Variants in ALX4 observed in about 807,000 individuals in gnomAD.
ALX4 encodes homeobox protein aristaless-like 4.
Under a neutral mutation model 40.6 loss-of-function variants are expected in ALX4, and 22 were observed. That is an observed-to-expected ratio of 0.54 (90% CI 0.39 to 0.77). The LOEUF (loss-of-function observed/expected upper bound fraction) is 0.77, where lower values mean the gene tolerates loss of function less well. ALX4 is among the 30% of genes least tolerant of loss of function. The probability of loss-of-function intolerance (pLI) is 0.00; values close to 1 mark genes in which losing one functional copy is unlikely to be tolerated. For synonymous variants in ALX4, 266 were observed against 240.5 expected, an observed-to-expected ratio of 1.11 and a Z score of -0.98; for missense variants, 556 against 564.8, an observed-to-expected ratio of 0.98 and a Z score of 0.16.
chr11:44,310,066 TG>T lies in ALX4; in HGVS notation c.-5del. ...AGACGCAAGTCTCAGCATTCATGCC[TG>T]GCTTGCGCAGGCGGCGGGCGGGGAC... On this transcript the variant is annotated 5_prime_UTR_variant, in exon 1 of 4. Coordinates refer to ENST00000652299, the MANE Select transcript of ALX4 (RefSeq NM_021926.4). 1 of 1,579,872 alleles carries T rather than the reference TG, an allele frequency of 6.3e-7. No homozygotes were observed. Among genetic ancestry groups the T allele is most frequent in the Non-Finnish European group, 8.6e-7 (1 of 1,160,918 alleles).
At chr11:44,283,329 C>A (rs999886142) in intron 1 of ALX4, among the ~76,000 whole-genome samples, 5 of 151,470 alleles carry the variant, frequency 3.3e-5, no homozygotes, top group Admixed American at 6.6e-5. Context: ...AAATTGTGTT[C>A]ATATATATAA....
At chr11:44,267,653 G>T in intron 2 of ALX4, 31 bp from the exon 3 acceptor site, 1 of 1,613,826 alleles carries the variant, frequency 6.2e-7, no homozygotes. Context: ...ATTGTCACCA[G>T]GGTGAGATGC....
intron 2 of ALX4, among the ~76,000 whole-genome samples, chr11:44,274,618 A>T (rs558346137): frequency 6.6e-6 from 1 of 150,848 alleles, no homozygotes; most frequent in Non-Finnish European, 1.5e-5. Context: ...GTTGAGTTCT[A>T]TTGGGTTGTG....
intron 1 of ALX4, 100 bp from the exon 2 acceptor site, chr11:44,275,758 C>A: frequency 8.6e-7 from 1 of 1,161,478 alleles, no homozygotes. Context: ...CCACCCCCTG[C>A]CTTTTTCCTC....
intron 1 of ALX4, among the ~76,000 whole-genome samples, chr11:44,304,186 T>C (rs916310959): frequency 8.5e-5 from 13 of 152,232 alleles, no homozygotes; most frequent in African/African-American, 2.4e-4. Flanking sequence ...CCCAATCCGA[T>C]GACTGTCACC....
At chr11:44,265,218 G>A (rs760748844) in intron 3 of ALX4, 35 bp from the exon 4 acceptor site, 51 of 1,558,464 alleles carry the variant, frequency 3.3e-5, no homozygotes, top group East Asian at 1.8e-4. Context: ...ACCGGCTGGC[G>A]GGCAGGTGTG....
intron 3 of ALX4, 107 bp downstream of exon 3, chr11:44,267,387 C>T: frequency 6.8e-7 from 1 of 1,472,194 alleles, no homozygotes; most frequent in Non-Finnish European, 9.2e-7. Flanking sequence ...GGAAGGGCAG[C>T]CTGGAGCCAT....
intron 1 of ALX4, among the ~76,000 whole-genome samples, chr11:44,287,246 C>A (rs967912454): frequency 3.3e-5 from 5 of 152,110 alleles, no homozygotes; most frequent in African/African-American, 7.2e-5. Context: ...GTGGGCTTCC[C>A]AGAGTCCAGG....
intron 1 of ALX4, among the ~76,000 whole-genome samples, chr11:44,286,038 C>G (rs1956336746): frequency 6.6e-6 from 1 of 152,228 alleles, no homozygotes; most frequent in East Asian, 1.9e-4. Context: ...TGGGGCAGCT[C>G]TGCAGGCACA....
Position 44,264,572 on chromosome 11 carries a change from A to C in ALX4, c.*282T>G, listed in dbSNP as rs1956201469. On this transcript the variant is annotated 3_prime_UTR_variant, in exon 4 of 4. Transcript: ENST00000652299. ...AGCAAGAAAGCGCTTTCAGCTTATC[A>C]TGGATGCGAAGCTGAAAAACGTGGC... 1 of 549,254 alleles carries C rather than the reference A, an allele frequency of 1.8e-6. No individual in the cohort carries two copies. The highest frequency in any genetic ancestry group is 2.3e-5 in the South Asian group (1 of 44,380). 34.0% of individuals were successfully genotyped at this position (549,254 alleles called of 1,614,324 possible). A position where few individuals can be genotyped will look rare whatever the true frequency, so the allele number is the denominator to read the frequency against.
At chr11:44,291,963 C>G (rs1213388361) in intron 1 of ALX4, among the ~76,000 whole-genome samples, 1 of 152,174 alleles carries the variant, frequency 6.6e-6, no homozygotes, top group African/African-American at 2.4e-5. Flanking sequence ...GGATTACCAG[C>G]ACTGGTCACT....
chr11:44,268,709 G>A (rs372637048), intron 2 of ALX4, among the ~76,000 whole-genome samples: 1 of 152,338 alleles, frequency 6.6e-6, no homozygotes, highest in South Asian at 2.1e-4. Context: ...TGATGGGGAC[G>A]GGGTGGGTGA....
At chr11:44,277,087 TC>T (rs1427752574) in intron 1 of ALX4, among the ~76,000 whole-genome samples, 3 of 152,160 alleles carry the variant, frequency 2.0e-5, no homozygotes, top group Non-Finnish European at 2.9e-5. Context: ...TGCCTCAGTT[TC>T]CCCCTCTATA....
intron 1 of ALX4, among the ~76,000 whole-genome samples, chr11:44,299,550 C>T (rs920614062): frequency 1.3e-5 from 2 of 151,978 alleles, no homozygotes; most frequent in Admixed American, 1.3e-4. Flanking sequence ...TTGGTAGAGA[C>T]AGGGTTTCAC....
rs1170295903 is a variant in ALX4 at position 44,262,305 on chromosome 11, C to T, written c.*2549G>A. The stretch of plus-strand genomic sequence containing the variant: ...ATCATACTTAGTGTGGTTAGGTGGC[C>T]CCCAAGGGCTGGGCCAAGCCACAGA... On this transcript the variant is annotated 3_prime_UTR_variant, in exon 4 of 4. Coordinates refer to ENST00000652299, the MANE Select transcript of ALX4 (RefSeq NM_021926.4). 3.3e-5 allele frequency: 5 copies of T among 152,264 alleles called. No individual in the cohort carries two copies. The highest frequency in any genetic ancestry group is 7.3e-5 in the Non-Finnish European group (5 of 68,114). The allele number at this position is 152,264 out of a possible 1,614,324, so 9.4% of individuals were successfully genotyped here.
At position 44,309,518 on chromosome 11, in the gene ALX4, G is replaced by T. The variant is rs1226862689; in HGVS notation, c.466+79C>A. The T allele has an allele frequency of 7.2e-6, 11 of 1,522,914 alleles. No individual in the cohort carries two copies. The African/African-American group carries it at 1.3e-4, about 17-fold the overall frequency. 94.3% of individuals were successfully genotyped at this position (1,522,914 alleles called of 1,614,324 possible). On this transcript the variant is annotated intron_variant, in intron 1 of 3. Transcript: ENST00000652299. ...CCCAGCCCGCCAACTCATACCTCCC[G>T]CAAGCCACCAGTTTCAAGGGATGCG... is the stretch of plus-strand genomic sequence containing the variant.
In ALX4 at chr11:44,280,989, G is replaced by A. The variant is rs867286789; in HGVS notation, c.467-5331C>T. On this transcript the variant is annotated intron_variant, in intron 1 of 3. Transcript: ENST00000652299. ...TGCATGAAGTGGAAAGCCTTGCTTC[G>A]TTCCCTTAACCTCTACCCATCTGTC... is the stretch of plus-strand genomic sequence containing the variant. Among the ~76,000 whole-genome samples the A allele has an allele frequency of 4.2e-4, 64 of 152,312 alleles. 1 individual carries two copies. The highest frequency in any genetic ancestry group is 1.2e-4 in the African/African-American group (5 of 41,564).
chr11:44,268,809 C>T (rs1435307982), intron 2 of ALX4, among the ~76,000 whole-genome samples: 1 of 152,178 alleles, frequency 6.6e-6, no homozygotes, highest in Non-Finnish European at 1.5e-5. Flanking sequence ...CAGAGGGAGG[C>T]CTCTGCCAGC....
chr11:44,308,479 G>A (rs1565012738), intron 1 of ALX4, among the ~76,000 whole-genome samples: 1 of 152,248 alleles, frequency 6.6e-6, no homozygotes, highest in Non-Finnish European at 1.5e-5. Flanking sequence ...AGGCCTCCGG[G>A]TATGTGCTCA....
Sources: gnomAD v4.1 joint callset for allele counts (sites outside exome capture counted in the v4.1 genomes callset) on GRCh38, gnomAD v4.1.1 for gene constraint, MANE v1.5 for transcripts, NCBI Gene and HGNC (gene_info 2026-07-23, HGNC 2026-07-21) for gene names.